The following SVIL variants were observed in gnomAD, a reference collection of about 807,000 sequenced individuals.
SVIL encodes the protein archvillin.
In SVIL, 101 loss-of-function variants were observed where a neutral mutation model predicts 240.4. That is an observed-to-expected ratio of 0.42 (90% confidence interval 0.36 to 0.50). SVIL has a LOEUF of 0.50. SVIL is among the 20% of genes least tolerant of loss of function. The pLI is 0.01. For missense variants in SVIL, 2,512 were observed against 2,818.7 expected (o/e 0.89, Z 2.46); for synonymous variants, 999 against 1,100.0 (o/e 0.91, Z 1.82).
intron 1 of SVIL, among the ~76,000 whole-genome samples, chr10:29,597,738 C>A (rs1956652866): frequency 6.6e-6 from 1 of 151,922 alleles, no homozygotes; most frequent in African/African-American, 2.4e-5. Context: ...CTGCTCTGAA[C>A]CTTGCCTTAG....
chr10:29,485,294 C>G (rs955037835), intron 26 of SVIL, among the ~76,000 whole-genome samples: 2 of 151,826 alleles, frequency 1.3e-5, no homozygotes, highest in African/African-American at 4.8e-5. Context: ...GGGCAGGGAT[C>G]AGATCATGGT....
chr10:29,490,046 G>A (rs1370241218), intron 22 of SVIL, among the ~76,000 whole-genome samples: 4 of 152,032 alleles, frequency 2.6e-5, no homozygotes, highest in African/African-American at 9.7e-5. Flanking sequence ...TCAGAATGAT[G>A]GAACCCCACA....
intron 2 of SVIL, 73 bp downstream of exon 2, chr10:29,569,182 A>T (rs1955252204): frequency 1.4e-6 from 1 of 706,432 alleles, no homozygotes; most frequent in Admixed American, 6.3e-5. Flanking sequence ...TGAGTTAGAC[A>T]TTCAAGAGAA....
At chr10:29,622,674 C>T (rs376365403) in intron 1 of SVIL, among the ~76,000 whole-genome samples, 8 of 152,180 alleles carry the variant, frequency 5.3e-5, no homozygotes, top group Admixed American at 5.2e-4. Flanking sequence ...AAACAAAACG[C>T]TATTTAAGCT....
intron 2 of SVIL, among the ~76,000 whole-genome samples, chr10:29,671,259 G>A (rs1959752471): frequency 6.6e-6 from 1 of 152,144 alleles, no homozygotes; most frequent in Admixed American, 6.5e-5. Context: ...TCAGCCAAGA[G>A]AAAAATCTCC....
intron 2 of SVIL, among the ~76,000 whole-genome samples, chr10:29,671,938 A>C (rs1199671237): frequency 6.6e-6 from 1 of 152,216 alleles, no homozygotes; most frequent in Non-Finnish European, 1.5e-5. Flanking sequence ...CTGAATCTCT[A>C]TTATTAATCC....
intron 6 of SVIL, among the ~76,000 whole-genome samples, chr10:29,545,756 G>A (rs1005565048): frequency 6.7e-6 from 1 of 148,712 alleles, no homozygotes; most frequent in Non-Finnish European, 1.5e-5. Context: ...TTGGGAGGCT[G>A]AGGCAGGAGA....
rs377361285 is a variant in SVIL, at chr10:29,586,859, T to C, written c.-200-17547A>G. ...TAAATGATGAGAACACATGGACACA[T>C]AGAAGGGAACAACACACACTGGGGC... On this transcript the variant is annotated intron_variant, in intron 1 of 37. Transcript: ENST00000355867. 5.9e-4 allele frequency among the ~76,000 whole-genome samples: 89 copies of C among 152,016 alleles called. No homozygotes were observed. In the South Asian group the frequency reaches 9.1e-3, roughly 16 times the overall value.
chr10:29,730,162 A>G (rs1277000725), intron 1 of SVIL, among the ~76,000 whole-genome samples: 1 of 152,152 alleles, frequency 6.6e-6, no homozygotes, highest in Non-Finnish European at 1.5e-5. Context: ...TGGGCAACAG[A>G]GCAAGACCCT....
At chr10:29,567,882 T>A (rs1589282413) in intron 2 of SVIL, among the ~76,000 whole-genome samples, 1 of 152,042 alleles carries the variant, frequency 6.6e-6, no homozygotes, top group South Asian at 2.1e-4. Flanking sequence ...CTGGGCCTGG[T>A]GGCGGGTGCC....
intron 35 of SVIL, among the ~76,000 whole-genome samples, chr10:29,463,093 G>C (rs376510441): frequency 6.6e-4 from 101 of 152,294 alleles, no homozygotes; most frequent in African/African-American, 2.3e-3. Context: ...GTTTGGGGGA[G>C]ACCTCCATTC....
At chr10:29,718,640 C>G (rs572374772) in intron 1 of SVIL, among the ~76,000 whole-genome samples, 1 of 151,872 alleles carries the variant, frequency 6.6e-6, no homozygotes, top group South Asian at 2.1e-4. Flanking sequence ...ATTTGCAGGA[C>G]CAAGTACCAA....
chr10:29,591,998 C>A (rs1382989704), intron 1 of SVIL, among the ~76,000 whole-genome samples: 2 of 152,214 alleles, frequency 1.3e-5, no homozygotes, highest in Admixed American at 1.3e-4. Context: ...TGCCTGTAAT[C>A]CCAGCACTTT....
chr10:29,467,921 C>T, intron 32 of SVIL, 46 bp from the exon 33 acceptor site: 1 of 1,593,446 alleles, frequency 6.3e-7, no homozygotes, highest in Non-Finnish European at 8.6e-7. Context: ...CTGGAGAGTG[C>T]TGGTGACCCA....
chr10:29,500,474 G>A (rs1053372294), intron 17 of SVIL, among the ~76,000 whole-genome samples: 12 of 152,088 alleles, frequency 7.9e-5, no homozygotes, highest in South Asian at 2.1e-4. Context: ...TCTGGAGGCC[G>A]GTGATGGCCT....
intron 3 of SVIL, among the ~76,000 whole-genome samples, chr10:29,652,611 T>C (rs1284408268): frequency 6.6e-6 from 1 of 152,226 alleles, no homozygotes; most frequent in East Asian, 1.9e-4. Context: ...TATTGGGTTA[T>C]AAAAGGTAAA....
chr10:29,591,854 T>C (rs954331799), intron 1 of SVIL, among the ~76,000 whole-genome samples: 2 of 152,236 alleles, frequency 1.3e-5, no homozygotes, highest in African/African-American at 4.8e-5. Flanking sequence ...CTGATGCCTG[T>C]TCCTGGCTTA....
At chr10:29,649,179 G>A (rs74469066) in intron 3 of SVIL, among the ~76,000 whole-genome samples, 11 of 151,622 alleles carry the variant, frequency 7.3e-5, no homozygotes, top group African/African-American at 2.7e-4. Context: ...ATAAAAGCAG[G>A]GTTTCTTTTA....
intron 1 of SVIL, among the ~76,000 whole-genome samples, chr10:29,619,402 T>TA (rs1304559933): frequency 6.6e-6 from 1 of 152,210 alleles, no homozygotes; most frequent in East Asian, 1.9e-4. Flanking sequence ...TAACCAGACG[T>TA]ATGACACATA....
Sources: gnomAD v4.1 joint callset for allele counts (sites outside exome capture counted in the v4.1 genomes callset) on GRCh38, gnomAD v4.1.1 for gene constraint, MANE v1.5 for transcripts, NCBI Gene and HGNC (gene_info 2026-07-23, HGNC 2026-07-21) for gene names.